Variants in C6orf89 observed in about 807,000 individuals in gnomAD.
C6orf89 encodes the protein chromosome 6 open reading frame 89, also known as bombesin receptor-activated protein C6orf89.
C6orf89 carries 29 observed loss-of-function variants against 40.7 expected under a neutral mutation model. The observed-to-expected ratio is 0.71, with a 90% CI of 0.53 to 0.97. C6orf89 has a LOEUF of 0.97. Among genes scored for constraint, C6orf89 ranks in the 50% least tolerant of loss-of-function variants. C6orf89 has a pLI of 0.00. For synonymous variants in C6orf89, 165 were observed against 152.2 expected (o/e 1.08, Z -0.62); for missense variants, 392 against 429.1 (o/e 0.91, Z 0.76).
chr6:36,888,966 A>T lies in C6orf89; in HGVS notation c.-120+2938A>T, dbSNP rs75280390. ...AAGTTGGGTTATAGACACATTACAT[A>T]CAGGGAGCTATGGGAAACTTGGATC... On this transcript the variant is annotated intron_variant, in intron 1 of 8. Transcript: ENST00000480824. 0.023 allele frequency among the ~76,000 whole-genome samples: 3,491 copies of T among 152,306 alleles called. 225 individuals are homozygous for T. In the East Asian group the frequency reaches 0.26, roughly 12 times the overall value.
At chr6:36,880,806 G>A (rs1389337056) in intron 2 of C6orf89, among the ~76,000 whole-genome samples, 7 of 152,320 alleles carry the variant, frequency 4.6e-5, no homozygotes, top group Admixed American at 3.9e-4. Context: ...ATGTTGTATG[G>A]TAAATTCTTG....
chr6:36,891,436 A>G (rs1323162527), intron 1 of C6orf89, among the ~76,000 whole-genome samples: 1 of 152,176 alleles, frequency 6.6e-6, no homozygotes, highest in East Asian at 1.9e-4. Flanking sequence ...CTATTTGTGA[A>G]TAGTGCCACA....
intron 1 of C6orf89, among the ~76,000 whole-genome samples, chr6:36,874,255 G>A (rs1774586038): frequency 2.0e-5 from 3 of 152,186 alleles, no homozygotes; most frequent in Admixed American, 1.3e-4. Context: ...TTTGATAGTG[G>A]GGAAAATGTG....
At chr6:36,888,243 A>C (rs1480385135) in intron 1 of C6orf89, among the ~76,000 whole-genome samples, 1 of 152,076 alleles carries the variant, frequency 6.6e-6, no homozygotes, top group Non-Finnish European at 1.5e-5. Context: ...GCTTTTTCCA[A>C]CTCCAGTATC....
chr6:36,902,094 T>C (rs935275799), intron 3 of C6orf89, 127 bp from the exon 4 acceptor site: 3 of 754,868 alleles, frequency 4.0e-6, no homozygotes, highest in Non-Finnish European at 6.5e-6. Context: ...GTGGCTTGTT[T>C]ATGAAAATGG....
At position 36,880,105 on chromosome 6, in the gene C6orf89, C is replaced by T. The variant is rs544705561; in HGVS notation, c.-503+973C>T. Reference sequence around the variant, plus strand: ...CAGACTATCTTAAATTTTCCTTCCTCGAGCACCTAGGAAGTTACCTTTGGT... The same window carrying T: ...CAGACTATCTTAAATTTTCCTTCCTTGAGCACCTAGGAAGTTACCTTTGGT... On this transcript the variant is annotated intron_variant, in intron 2 of 9. Transcript: ENST00000359359. 5.9e-5 allele frequency among the ~76,000 whole-genome samples: 9 copies of T among 152,236 alleles called. No homozygotes were observed. In the East Asian group the frequency reaches 1.5e-3, roughly 26 times the overall value.
At chr6:36,875,733 C>T (rs928379262) in intron 1 of C6orf89, among the ~76,000 whole-genome samples, 5 of 152,250 alleles carry the variant, frequency 3.3e-5, no homozygotes, top group Non-Finnish European at 5.9e-5. Flanking sequence ...CACGCTTAAT[C>T]TTCAAAATCC....
chr6:36,885,777 G>C, upstream of C6orf89: 2 of 382,122 alleles, frequency 5.2e-6, no homozygotes, highest in African/African-American at 4.1e-5. Flanking sequence ...ACGGAAGAAG[G>C]ACGCCAGGGG....
chr6:36,874,346 T>C (rs776784148), intron 1 of C6orf89, among the ~76,000 whole-genome samples: 2 of 152,244 alleles, frequency 1.3e-5, no homozygotes, highest in Non-Finnish European at 2.9e-5. Context: ...TCTCTTTCAT[T>C]ATACCGTAAG....
At position 36,914,369 on chromosome 6, in the gene C6orf89, C is replaced by T; in HGVS notation, c.489C>T (p.His163=). ...PANCTGCAQK[H]LKVMLLEDAP... ...ACTGCACTGGCTGTGCCCAGAAACACCTGAAGGTGATGCTCCTGGAAGACG... is the reference window on the plus strand; with the variant it reads ...ACTGCACTGGCTGTGCCCAGAAACATCTGAAGGTGATGCTCCTGGAAGACG... The change falls in exon 5 of 9, where the codon CAC becomes CAT. Residue 163 remains histidine, a synonymous_variant. Coordinates refer to ENST00000480824, the MANE Select transcript of C6orf89 (RefSeq NM_001286635.2). 1.2e-6 allele frequency: 2 copies of T among 1,614,150 alleles called. No homozygotes were observed. The highest frequency in any genetic ancestry group is 2.2e-5 in the South Asian group (2 of 91,084).
rs2293391 is a variant in C6orf89, at chr6:36,916,095, T to C, written c.696-350T>C. On this transcript the variant is annotated intron_variant, in intron 6 of 8. Transcript: ENST00000480824. Reference sequence around the variant, plus strand: ...GTCATGCTTTTTGTCCCTTCCTCCTTCTCTCTTCTCCCCTTCCCCCGCCTG... The same window carrying C: ...GTCATGCTTTTTGTCCCTTCCTCCTCCTCTCTTCTCCCCTTCCCCCGCCTG... Among the ~76,000 whole-genome samples the C allele has an allele frequency of 0.02, 3,113 of 152,184 alleles. 215 individuals carry two copies. The East Asian group carries it at 0.27, about 13-fold the overall frequency.
intron 4 of C6orf89, among the ~76,000 whole-genome samples, chr6:36,911,065 A>G (rs1338793701): frequency 2.6e-5 from 4 of 152,090 alleles, no homozygotes; most frequent in African/African-American, 7.2e-5. Flanking sequence ...TTTTTCTTTT[A>G]GTTTGCTATT....
Position 36,890,539 on chromosome 6 carries a change from A to AAT in C6orf89, c.-119-3965_-119-3964insAT, listed in dbSNP as rs548205127. ...TGTATATACTACATTTAAAAAAAAA[A>AAT]TTTTATTCTTTTGACACAGAGTCTC... is the stretch of plus-strand genomic sequence containing the variant. On this transcript the variant is annotated intron_variant, in intron 1 of 8. Transcript: ENST00000480824. Among the ~76,000 whole-genome samples, 6 of 151,908 alleles carry AAT rather than the reference A, an allele frequency of 3.9e-5. No individual in the cohort carries two copies. In the East Asian group the frequency reaches 1.2e-3, roughly 29 times the overall value.
intron 1 of C6orf89, among the ~76,000 whole-genome samples, chr6:36,877,788 ATGAAGT>A (rs1774699847): frequency 6.6e-6 from 1 of 152,240 alleles, no homozygotes; most frequent in African/African-American, 2.4e-5. Context: ...CTAATGACTA[ATGAAGT>A]TGAATTCTTT....
chr6:36,910,447 G>A (rs1221650310), intron 4 of C6orf89, among the ~76,000 whole-genome samples: 1 of 151,946 alleles, frequency 6.6e-6, no homozygotes, highest in Non-Finnish European at 1.5e-5. Flanking sequence ...TCCTTTATTG[G>A]CCAGGCATGG....
chr6:36,911,553 G>A (rs1472082603), intron 4 of C6orf89, among the ~76,000 whole-genome samples: 2 of 152,008 alleles, frequency 1.3e-5, no homozygotes, highest in Non-Finnish European at 2.9e-5. Context: ...CTAACTCTTA[G>A]GTTAAGAGCT....
intron 1 of C6orf89, chr6:36,874,583 C>A: frequency 2.5e-6 from 3 of 1,211,610 alleles, no homozygotes; most frequent in Non-Finnish European, 3.6e-6. Context: ...CCTCTGGGGG[C>A]CGTCTCGGCC....
At chr6:36,900,585 G>T (rs139253524) in intron 3 of C6orf89, among the ~76,000 whole-genome samples, 2 of 144,184 alleles carry the variant, frequency 1.4e-5, no homozygotes, top group Non-Finnish European at 3.0e-5. Context: ...CTGCAGCCTC[G>T]AACTCCCAGA....
In C6orf89 at chr6:36,879,836, T is replaced by A. The variant is rs190990003; in HGVS notation, c.-503+704T>A. 3.8e-3 allele frequency among the ~76,000 whole-genome samples: 575 copies of A among 152,314 alleles called. 3 individuals are homozygous for A. The highest frequency in any genetic ancestry group is 6.1e-3 in the Non-Finnish European group (417 of 68,022). On this transcript the variant is annotated intron_variant, in intron 2 of 9. Coordinates refer to the C6orf89 transcript ENST00000359359. ...GCAGTACTTTCTCTTGGTCTCCACC[T>A]TCTAGGGAACAGGGATTTTAGGGTT...
Sources: allele counts gnomAD v4.1 joint callset (sites outside exome capture counted in the v4.1 genomes callset), GRCh38; gene constraint gnomAD v4.1.1; transcripts MANE v1.5; gene names NCBI Gene and HGNC (gene_info 2026-07-23, HGNC 2026-07-21).